C12orf42: variants seen among roughly 807,000 people sequenced by gnomAD.
C12orf42 encodes uncharacterized protein C12orf42.
Under a neutral mutation model 21.6 loss-of-function variants are expected in C12orf42, and 25 were observed. The observed-to-expected ratio is 1.16, with a 90% confidence interval of 0.84 to 1.62. The LOEUF (loss-of-function observed/expected upper bound fraction) is 1.62. Ranked by LOEUF, C12orf42 falls within the 40% of genes most tolerant of loss-of-function variation. The pLI is 0.00. For synonymous variants in C12orf42, 174 were observed against 175.0 expected (o/e 0.99, Z 0.05); for missense variants, 483 against 459.3 (o/e 1.05, Z -0.47).
At chr12:103,295,561 C>G (rs1018050932) in intron 4 of C12orf42, among the ~76,000 whole-genome samples, 2 of 151,992 alleles carry the variant, frequency 1.3e-5, no homozygotes, top group African/African-American at 4.8e-5. Flanking sequence ...TACTACTGAC[C>G]TCACAGTTAT....
chr12:103,410,749 G>C (rs1450196702), intron 2 of C12orf42, among the ~76,000 whole-genome samples: 1 of 152,206 alleles, frequency 6.6e-6, no homozygotes, highest in African/African-American at 2.4e-5. Flanking sequence ...TTAGGGATCA[G>C]AGCAGTCTCA....
At chr12:103,482,189 G>T (rs1410549857) in intron 1 of C12orf42, among the ~76,000 whole-genome samples, 1 of 152,064 alleles carries the variant, frequency 6.6e-6, no homozygotes, top group Non-Finnish European at 1.5e-5. Context: ...ATCTGTCTGG[G>T]ATTACATTTT....
At chr12:103,538,174 G>A in the C12orf42 span, among the ~76,000 whole-genome samples, 2 of 148,710 alleles carry the variant, frequency 1.3e-5, no homozygotes, top group Non-Finnish European at 3.0e-5. Flanking sequence ...AAAATTGGGA[G>A]GTGAGAAAGT....
At chr12:103,305,492 T>A (rs1042364845) in intron 5 of C12orf42, among the ~76,000 whole-genome samples, 5 of 152,028 alleles carry the variant, frequency 3.3e-5, no homozygotes, top group Non-Finnish European at 7.4e-5. Flanking sequence ...TGGGAGAGAG[T>A]CGATATTTGA....
intron 10 of C12orf42, among the ~76,000 whole-genome samples, chr12:103,240,310 A>G (rs2033672830): frequency 6.6e-6 from 1 of 152,202 alleles, no homozygotes; most frequent in African/African-American, 2.4e-5. Context: ...AGATAAGACG[A>G]TAAGACCATA....
chr12:103,400,614 T>C (rs2047912179), intron 3 of C12orf42, among the ~76,000 whole-genome samples: 2 of 152,214 alleles, frequency 1.3e-5, no homozygotes, highest in African/African-American at 2.4e-5. Context: ...CCAGGTCATG[T>C]TTTTCAACTA....
In C12orf42 at chr12:103,368,897, C is replaced by T; in HGVS notation, c.249G>A (p.Leu83=). Residue 83 remains leucine (L), a synonymous_variant, in exon 4 of 6, where the codon CTG becomes CTA. Coordinates refer to ENST00000548883, the MANE Select transcript of C12orf42 (RefSeq NM_198521.5). ...ESPKFRSLHF[L]NFPVFPERTQ... The stretch of plus-strand genomic sequence containing the variant: ...TATGTCTTAATTTACCTGGAAAATT[C>T]AGAAAGTGTAGACTACGAAATTTAG... 6.4e-7 allele frequency: 1 copy of T among 1,550,484 alleles called. No homozygotes were observed. The highest frequency in any genetic ancestry group is 8.8e-7 in the Non-Finnish European group (1 of 1,132,732).
the C12orf42 span, among the ~76,000 whole-genome samples, chr12:103,130,084 C>T: frequency 1.3e-5 from 2 of 152,026 alleles, no homozygotes; most frequent in African/African-American, 4.8e-5. Context: ...TGGCACCTGG[C>T]GTTTTATAAT....
At chr12:103,149,442 A>G in the C12orf42 span, among the ~76,000 whole-genome samples, 6 of 152,212 alleles carry the variant, frequency 3.9e-5, 1 homozygote. Flanking sequence ...AAATATAAGT[A>G]TGTCCCTTTG....
the C12orf42 span, among the ~76,000 whole-genome samples, chr12:103,079,671 C>T: frequency 2.0e-5 from 3 of 152,182 alleles, no homozygotes; most frequent in African/African-American, 7.2e-5. Context: ...ATTTCTTGCT[C>T]ATAATACATG....
the C12orf42 span, among the ~76,000 whole-genome samples, chr12:103,162,059 A>T: frequency 1.3e-5 from 2 of 152,130 alleles, no homozygotes; most frequent in African/African-American, 4.8e-5. Flanking sequence ...AATGCCCCAG[A>T]GCAGCTAGTA....
the C12orf42 span, among the ~76,000 whole-genome samples, chr12:103,098,976 A>G: frequency 1.8e-4 from 27 of 152,236 alleles, no homozygotes; most frequent in African/African-American, 6.5e-4. Flanking sequence ...TAACAAAGAT[A>G]ACAGATATAG....
the C12orf42 span, among the ~76,000 whole-genome samples, chr12:103,092,610 G>A: frequency 1.3e-5 from 2 of 152,078 alleles, no homozygotes; most frequent in Non-Finnish European, 2.9e-5. Context: ...TCAGTGCAAC[G>A]TATTCTCCTG....
intron 4 of C12orf42, among the ~76,000 whole-genome samples, chr12:103,281,961 AAGAG>A (rs746853228): frequency 1.2e-4 from 17 of 147,076 alleles, no homozygotes; most frequent in East Asian, 4.0e-4. Context: ...GAAAGAAAGA[AAGAG>A]ATCGATCCTA....
chr12:103,433,716 C>A (rs1344174712), intron 2 of C12orf42, among the ~76,000 whole-genome samples: 1 of 152,080 alleles, frequency 6.6e-6, no homozygotes, highest in South Asian at 2.1e-4. Flanking sequence ...AGACACATAA[C>A]AATATATGCA....
the C12orf42 span, chr12:103,506,096 T>C: frequency 4.5e-6 from 1 of 223,098 alleles, no homozygotes; most frequent in South Asian, 7.8e-5. Context: ...CCCTGGAGCT[T>C]TTCCTAGATG....
chr12:103,461,972 C>T (rs1333506824), intron 2 of C12orf42, among the ~76,000 whole-genome samples: 2 of 151,850 alleles, frequency 1.3e-5, no homozygotes, highest in Non-Finnish European at 2.9e-5. Flanking sequence ...GACTCTTTGG[C>T]ACATCTACTT....
At chr12:103,364,984 G>C (rs1485443189) in intron 4 of C12orf42, among the ~76,000 whole-genome samples, 1 of 152,056 alleles carries the variant, frequency 6.6e-6, no homozygotes, top group South Asian at 2.1e-4. Flanking sequence ...ATTCTATGAA[G>C]CCAGTAGCAC....
chr12:103,190,457 C>T, the C12orf42 span, among the ~76,000 whole-genome samples: 1 of 152,148 alleles, frequency 6.6e-6, no homozygotes, highest in East Asian at 1.9e-4. Context: ...CAAGGCATCC[C>T]TCAATCCAGT....
Sources: allele counts gnomAD v4.1 joint callset (sites outside exome capture counted in the v4.1 genomes callset), GRCh38; gene constraint gnomAD v4.1.1; transcripts MANE v1.5; gene names NCBI Gene and HGNC (gene_info 2026-07-23, HGNC 2026-07-21).